The following CADPS variants were observed in gnomAD, a reference collection of about 807,000 sequenced individuals.
CADPS encodes the protein calcium-dependent secretion activator 1.
Under a neutral mutation model 167.3 loss-of-function variants are expected in CADPS, and 57 were observed. The observed-to-expected ratio is 0.34, with a 90% confidence interval of 0.28 to 0.42. The LOEUF is 0.42. CADPS is among the 20% of genes least tolerant of loss of function. The pLI is 1.00. For missense variants in CADPS, 1,414 were observed against 1,738.1 expected (o/e 0.81, Z 3.32); for synonymous variants, 676 against 635.3 (o/e 1.06, Z -0.96).
At chr3:62,632,150 A>T (rs962419309) in intron 6 of CADPS, among the ~76,000 whole-genome samples, 1 of 152,178 alleles carries the variant, frequency 6.6e-6, no homozygotes, top group Non-Finnish European at 1.5e-5. Flanking sequence ...TTTTCATACG[A>T]GGTTATCTAT....
Position 62,868,038 on chromosome 3 carries a change from C to T in CADPS, c.441+6551G>A, listed in dbSNP as rs78902703. ...CAATATATCAATAGCAAGGGCTAGA[C>T]TCAATGCATTGGCTGAATTCATCCC... On this transcript the variant is annotated intron_variant, in intron 1 of 29. Coordinates refer to ENST00000383710, the MANE Select transcript of CADPS (RefSeq NM_003716.4). 2.5e-3 allele frequency among the ~76,000 whole-genome samples: 385 copies of T among 152,220 alleles called. 5 individuals are homozygous for T. The East Asian group carries it at 0.029, about 12-fold the overall frequency.
chr3:62,431,391 G>GC (rs67195379), intron 28 of CADPS, among the ~76,000 whole-genome samples: 1 of 151,660 alleles, frequency 6.6e-6, no homozygotes, highest in Non-Finnish European at 1.5e-5. Flanking sequence ...TTACAGTTTA[G>GC]CCCCCCCTCA....
chr3:62,515,031 AC>A (rs1320711313), intron 16 of CADPS, among the ~76,000 whole-genome samples: 19 of 152,240 alleles, frequency 1.2e-4, no homozygotes, highest in Non-Finnish European at 4.4e-5. Flanking sequence ...GAGAGGGAGG[AC>A]ACGTAATGTA....
rs556001518 is a variant in CADPS, at chr3:62,413,731, T to C, written c.3778-10546A>G. On this transcript the variant is annotated intron_variant, in intron 28 of 29. Coordinates refer to ENST00000383710, the MANE Select transcript of CADPS (RefSeq NM_003716.4). Reference sequence around the variant, plus strand: ...TACTATTGAACTGTACACTTAGAGATGGTTAAGACAGTACATTTTTTGTTA... The same window carrying C: ...TACTATTGAACTGTACACTTAGAGACGGTTAAGACAGTACATTTTTTGTTA... Among the ~76,000 whole-genome samples the C allele has an allele frequency of 3.3e-5, 5 of 152,294 alleles. 1 individual carries two copies. In the South Asian group the frequency reaches 1.0e-3, roughly 32 times the overall value.
intron 3 of CADPS, among the ~76,000 whole-genome samples, chr3:62,733,762 T>G (rs2152187072): frequency 1.3e-5 from 2 of 150,426 alleles, no homozygotes; most frequent in African/African-American, 4.9e-5. Flanking sequence ...CCTTTAGTGG[T>G]GATTTCTGAG....
intron 11 of CADPS, among the ~76,000 whole-genome samples, chr3:62,542,362 C>A (rs1433705463): frequency 6.6e-6 from 1 of 152,084 alleles, no homozygotes. Flanking sequence ...CTTGACAGTA[C>A]AAGAGTGAAT....
intron 26 of CADPS, among the ~76,000 whole-genome samples, chr3:62,464,107 C>T (rs2059676595): frequency 1.3e-5 from 2 of 152,138 alleles, no homozygotes; most frequent in African/African-American, 4.8e-5. Context: ...TGAGCTAGGC[C>T]TATGCTAAGC....
At chr3:62,572,065 C>T (rs769748319) in intron 8 of CADPS, among the ~76,000 whole-genome samples, 41 of 152,184 alleles carry the variant, frequency 2.7e-4, no homozygotes, top group Non-Finnish European at 5.0e-4. Context: ...GTCATCAACA[C>T]CCACTGGAAA....
At chr3:62,654,394 G>C (rs28425477) in intron 4 of CADPS, among the ~76,000 whole-genome samples, 4 of 152,166 alleles carry the variant, frequency 2.6e-5, no homozygotes, top group African/African-American at 9.6e-5. Flanking sequence ...GCTTCCCAGA[G>C]GTGGTGACCT....
At chr3:62,496,078 T>C (rs559508180) in intron 18 of CADPS, among the ~76,000 whole-genome samples, 54 of 149,134 alleles carry the variant, frequency 3.6e-4, no homozygotes, top group East Asian at 1.3e-3. Flanking sequence ...CTTTTCTTTT[T>C]TTTTTTTTTA....
chr3:62,853,071 T>A (rs2078949049), intron 1 of CADPS, among the ~76,000 whole-genome samples: 1 of 152,216 alleles, frequency 6.6e-6, no homozygotes, highest in African/African-American at 2.4e-5. Context: ...AAATGCTTTA[T>A]CTTGCACTTG....
chr3:62,842,168 T>C (rs1289399901), intron 1 of CADPS, among the ~76,000 whole-genome samples: 1 of 152,240 alleles, frequency 6.6e-6, no homozygotes, highest in Non-Finnish European at 1.5e-5. Flanking sequence ...TGTATCCATT[T>C]GGCAAGAACA....
chr3:62,554,017 C>T (rs1562066434), intron 10 of CADPS, among the ~76,000 whole-genome samples: 1 of 152,294 alleles, frequency 6.6e-6, no homozygotes, highest in East Asian at 1.9e-4. Flanking sequence ...AAAGGAATTG[C>T]ACTTCCAACA....
At chr3:62,403,775 T>G (rs1207233943) in intron 28 of CADPS, 1 of 152,228 alleles carries the variant, frequency 6.6e-6, no homozygotes, top group African/African-American at 2.4e-5. Flanking sequence ...AACTGTACTC[T>G]GGGCAGCTTA....
chr3:62,840,787 C>A (rs1206720090), intron 1 of CADPS, among the ~76,000 whole-genome samples: 1 of 152,076 alleles, frequency 6.6e-6, no homozygotes. Context: ...AGGAAATAAT[C>A]AAAAATCATA....
chr3:62,618,048 G>T (rs1320398779), intron 6 of CADPS, among the ~76,000 whole-genome samples: 1 of 152,076 alleles, frequency 6.6e-6, no homozygotes, highest in Non-Finnish European at 1.5e-5. Context: ...GCCATGGACT[G>T]GTTCATGGGT....
At chr3:62,648,280 T>G (rs902434701) in intron 5 of CADPS, among the ~76,000 whole-genome samples, 1 of 152,186 alleles carries the variant, frequency 6.6e-6, no homozygotes, top group Non-Finnish European at 1.5e-5. Flanking sequence ...GTACTTTCAA[T>G]TACAAGTCAA....
At chr3:62,528,539 G>A (rs1404339138) in intron 13 of CADPS, among the ~76,000 whole-genome samples, 1 of 152,028 alleles carries the variant, frequency 6.6e-6, no homozygotes, top group African/African-American at 2.4e-5. Flanking sequence ...ACCTGACGAT[G>A]GACTATTTCA....
intron 3 of CADPS, among the ~76,000 whole-genome samples, chr3:62,714,318 T>C (rs2083990220): frequency 1.3e-5 from 2 of 152,242 alleles, no homozygotes. Flanking sequence ...GGTTAATTCA[T>C]TGCTCATTTT....
Sources: gnomAD v4.1 joint callset for allele counts (sites outside exome capture counted in the v4.1 genomes callset) on GRCh38, gnomAD v4.1.1 for gene constraint, MANE v1.5 for transcripts, NCBI Gene and HGNC (gene_info 2026-07-23, HGNC 2026-07-21) for gene names.